Variants in CTNNA3 observed in about 807,000 individuals in gnomAD.
CTNNA3 encodes the protein catenin alpha-3.
CTNNA3 carries 76 observed loss-of-function variants against 95.7 expected under a neutral mutation model. That is an observed-to-expected ratio of 0.79 (90% confidence interval 0.66 to 0.96). CTNNA3 has a LOEUF of 0.96. Among genes scored for constraint, CTNNA3 ranks in the 40% least tolerant of loss-of-function variants. CTNNA3 has a pLI of 0.00. For missense variants in CTNNA3, 1,191 were observed against 1,089.8 expected (o/e 1.09, Z -1.31); for synonymous variants, 431 against 374.4 (o/e 1.15, Z -1.74).
chr10:67,535,596 A>T (rs1004947838), intron 4 of CTNNA3, among the ~76,000 whole-genome samples: 2 of 152,118 alleles, frequency 1.3e-5, no homozygotes, highest in Non-Finnish European at 2.9e-5. Context: ...GATAGGTAAG[A>T]TCATGTTAGA....
At chr10:65,936,516 A>T (rs964499579) in intron 17 of CTNNA3, among the ~76,000 whole-genome samples, 1 of 152,086 alleles carries the variant, frequency 6.6e-6, no homozygotes, top group African/African-American at 2.4e-5. Flanking sequence ...TCCAATGAAC[A>T]TTCATACGCT....
intron 13 of CTNNA3, among the ~76,000 whole-genome samples, chr10:66,251,311 T>TAA (rs11364669): frequency 7.3e-5 from 11 of 151,422 alleles, no homozygotes; most frequent in East Asian, 5.9e-4. Flanking sequence ...CCTTTGAAAT[T>TAA]AAAAAAAAAA....
At chr10:65,954,752 G>A (rs2077694852) in intron 17 of CTNNA3, among the ~76,000 whole-genome samples, 2 of 152,164 alleles carry the variant, frequency 1.3e-5, no homozygotes, top group South Asian at 2.1e-4. Flanking sequence ...CTATATCTCT[G>A]TTTTGGTACC....
At chr10:66,423,366 G>T (rs2093212127) in intron 11 of CTNNA3, among the ~76,000 whole-genome samples, 1 of 152,016 alleles carries the variant, frequency 6.6e-6, no homozygotes, top group Non-Finnish European at 1.5e-5. Flanking sequence ...TGTAAAATAT[G>T]GGAATAATAT....
intron 5 of CTNNA3, among the ~76,000 whole-genome samples, chr10:67,305,908 T>C (rs2132511310): frequency 6.6e-6 from 1 of 152,232 alleles, no homozygotes; most frequent in East Asian, 1.9e-4. Flanking sequence ...ATTATGGCAT[T>C]TCACACCCAA....
chr10:66,958,644 G>A (rs1048620437), intron 7 of CTNNA3, among the ~76,000 whole-genome samples: 2 of 151,948 alleles, frequency 1.3e-5, no homozygotes, highest in Non-Finnish European at 2.9e-5. Context: ...TAACTCAGCC[G>A]GAACCAGAAC....
intron 13 of CTNNA3, among the ~76,000 whole-genome samples, chr10:66,277,719 A>C (rs1026873624): frequency 1.3e-5 from 2 of 152,120 alleles, no homozygotes; most frequent in African/African-American, 4.8e-5. Flanking sequence ...GGGGGTATAG[A>C]GATAGAGACG....
At chr10:67,670,703 T>C (rs1840413700) in intron 1 of CTNNA3, among the ~76,000 whole-genome samples, 1 of 152,232 alleles carries the variant, frequency 6.6e-6, no homozygotes, top group Admixed American at 6.5e-5. Context: ...TGGTCCTAAC[T>C]GGTGGACTAG....
chr10:67,244,139 T>G (rs1014070074), intron 5 of CTNNA3, among the ~76,000 whole-genome samples: 2 of 152,210 alleles, frequency 1.3e-5, no homozygotes, highest in African/African-American at 4.8e-5. Context: ...AGAATGGAAA[T>G]GTTTTTTAAT....
intron 15 of CTNNA3, among the ~76,000 whole-genome samples, chr10:66,059,723 A>G (rs1285823000): frequency 6.6e-6 from 1 of 152,116 alleles, no homozygotes; most frequent in Non-Finnish European, 1.5e-5. Context: ...TTCTCAGTGA[A>G]TGAGCCAATG....
chr10:66,030,021 G>A (rs2079419112), intron 15 of CTNNA3, among the ~76,000 whole-genome samples: 1 of 152,054 alleles, frequency 6.6e-6, no homozygotes, highest in Admixed American at 6.6e-5. Context: ...ATACAAGGAG[G>A]TGAAAGATCT....
chr10:66,392,369 G>T (rs987919670), intron 11 of CTNNA3, among the ~76,000 whole-genome samples: 7 of 152,052 alleles, frequency 4.6e-5, no homozygotes, highest in African/African-American at 1.7e-4. Flanking sequence ...GGTGGAGGTT[G>T]CAGTGAGCAG....
At chr10:66,681,267 A>T (rs1242703830) in intron 9 of CTNNA3, among the ~76,000 whole-genome samples, 1 of 152,096 alleles carries the variant, frequency 6.6e-6, no homozygotes, top group Non-Finnish European at 1.5e-5. Flanking sequence ...TATTACCCTG[A>T]CTCATTCTGC....
intron 7 of CTNNA3, among the ~76,000 whole-genome samples, chr10:66,946,976 T>C (rs1012657024): frequency 6.6e-6 from 1 of 152,194 alleles, no homozygotes; most frequent in Non-Finnish European, 1.5e-5. Context: ...AATCTATTCA[T>C]GTACACAACC....
intron 7 of CTNNA3, among the ~76,000 whole-genome samples, chr10:67,174,877 A>G (rs376145907): frequency 1.0e-3 from 156 of 152,274 alleles, no homozygotes; most frequent in Non-Finnish European, 1.8e-3. Flanking sequence ...GCACAGACCT[A>G]TATAGGATAC....
chr10:67,039,688 A>C (rs1249590562), intron 7 of CTNNA3, among the ~76,000 whole-genome samples: 2 of 152,156 alleles, frequency 1.3e-5, no homozygotes, highest in African/African-American at 4.8e-5. Context: ...TTATGTAAAC[A>C]GTTAAGTAAA....
chr10:67,039,854 A>T (rs1432065601), intron 7 of CTNNA3, among the ~76,000 whole-genome samples: 1 of 152,162 alleles, frequency 6.6e-6, no homozygotes, highest in Admixed American at 6.5e-5. Flanking sequence ...ATCTTCCAAG[A>T]CCGTTACAGA....
At chr10:66,382,803 C>T (rs2092852801) in intron 11 of CTNNA3, among the ~76,000 whole-genome samples, 1 of 152,134 alleles carries the variant, frequency 6.6e-6, no homozygotes, top group Non-Finnish European at 1.5e-5. Flanking sequence ...CAAACAGGGT[C>T]TGTAGTAGAA....
At chr10:66,850,766 G>A (rs748768770) in intron 7 of CTNNA3, among the ~76,000 whole-genome samples, 1 of 151,934 alleles carries the variant, frequency 6.6e-6, no homozygotes, top group African/African-American at 2.4e-5. Context: ...ATTTTAAGGA[G>A]CTCAGACCAT....
Sources: allele counts gnomAD v4.1 joint callset (sites outside exome capture counted in the v4.1 genomes callset), GRCh38; gene constraint gnomAD v4.1.1; transcripts MANE v1.5; gene names NCBI Gene and HGNC (gene_info 2026-07-23, HGNC 2026-07-21).